Variants in NR5A2 observed in about 807,000 individuals in gnomAD.
NR5A2 encodes the protein CYP7A promoter-binding factor.
NR5A2 carries 26 observed loss-of-function variants against 62.7 expected under a neutral mutation model. The ratio of observed to expected loss-of-function variants is 0.41; its 90% CI spans 0.30 to 0.58. NR5A2 has a LOEUF of 0.58. NR5A2 is among the 20% of genes least tolerant of loss of function. The pLI, the probability that NR5A2 is intolerant of heterozygous loss-of-function variation, is 0.22. For missense variants in NR5A2, 541 were observed against 669.1 expected (o/e 0.81, Z 2.11); for synonymous variants, 246 against 241.7 (o/e 1.02, Z -0.16).
chr1:200,065,541 AG>A (rs1219468227), intron 5 of NR5A2, among the ~76,000 whole-genome samples: 2 of 152,240 alleles, frequency 1.3e-5, no homozygotes, highest in African/African-American at 2.4e-5. Flanking sequence ...GCACACATCG[AG>A]GGGGCAGTCT....
chr1:200,077,078 G>A (rs894538086), intron 5 of NR5A2, among the ~76,000 whole-genome samples: 66 of 152,240 alleles, frequency 4.3e-4, no homozygotes, highest in African/African-American at 1.4e-3. Context: ...CTTTAGTGCC[G>A]TTTTTATAAA....
At chr1:200,149,858 A>C (rs1349699075) in intron 7 of NR5A2, among the ~76,000 whole-genome samples, 1 of 152,158 alleles carries the variant, frequency 6.6e-6, no homozygotes, top group South Asian at 2.1e-4. Context: ...ATGAACTACT[A>C]TTCATCATTT....
intron 2 of NR5A2, chr1:200,042,946 T>C (rs904580810): frequency 2.0e-6 from 2 of 984,658 alleles, no homozygotes; most frequent in Admixed American, 6.1e-5. Context: ...TCTGTTTAAC[T>C]TTAATAGGGC....
chr1:200,076,745 G>A (rs1664058488), intron 5 of NR5A2, among the ~76,000 whole-genome samples: 1 of 152,090 alleles, frequency 6.6e-6, no homozygotes, highest in Admixed American at 6.5e-5. Flanking sequence ...TAGCATTTTT[G>A]TTAATAATTT....
At chr1:200,045,647 C>A in intron 4 of NR5A2, 63 bp downstream of exon 4, 1 of 1,353,012 alleles carries the variant, frequency 7.4e-7, no homozygotes, top group Non-Finnish European at 1.0e-6. Flanking sequence ...TGTAAAACAA[C>A]ATTGTACTTA....
At chr1:200,138,184 G>A (rs992258626) in intron 7 of NR5A2, among the ~76,000 whole-genome samples, 1 of 152,100 alleles carries the variant, frequency 6.6e-6, no homozygotes, top group African/African-American at 2.4e-5. Flanking sequence ...TTTTCTCCAT[G>A]TCTTCCTGTA....
At chr1:200,168,934 C>T (rs1469787435) in intron 7 of NR5A2, among the ~76,000 whole-genome samples, 1 of 152,132 alleles carries the variant, frequency 6.6e-6, no homozygotes, top group Non-Finnish European at 1.5e-5. Context: ...GAGGGCAAAT[C>T]GTGTGACAGT....
In NR5A2 at chr1:200,111,160, T is replaced by C. The variant is rs370855493; in HGVS notation, c.1111-42T>C. On this transcript the variant is annotated intron_variant, in intron 5 of 7. Coordinates refer to ENST00000367362, the MANE Select transcript of NR5A2 (RefSeq NM_205860.3). ...AAAAAAGTAGTGAATAACAGTGTCA[T>C]TTTTTGTTTTTTTTGTTTGTTTGTT... The C allele has an allele frequency of 6.3e-6, 10 of 1,598,096 alleles. No homozygotes were observed. In the African/African-American group the frequency reaches 1.1e-4, roughly 17 times the overall value.
At chr1:200,118,520 G>A (rs370468482) in intron 6 of NR5A2, among the ~76,000 whole-genome samples, 13 of 152,120 alleles carry the variant, frequency 8.5e-5, no homozygotes, top group Non-Finnish European at 1.8e-4. Flanking sequence ...AGATTTATAC[G>A]TACTTGTCCA....
intron 7 of NR5A2, among the ~76,000 whole-genome samples, chr1:200,151,190 A>G (rs764654892): frequency 6.6e-6 from 1 of 152,192 alleles, no homozygotes; most frequent in Non-Finnish European, 1.5e-5. Context: ...AGAAGATGAA[A>G]CATTGTCTTG....
At chr1:200,044,014 AAG>A (rs926939294) in intron 3 of NR5A2, 122 bp downstream of exon 3, 3 of 639,436 alleles carry the variant, frequency 4.7e-6, no homozygotes, top group South Asian at 4.0e-5. Context: ...ATGAGGGAGA[AAG>A]AGAGAGTCTT....
At chr1:200,086,929 C>G (rs1455341953) in intron 5 of NR5A2, among the ~76,000 whole-genome samples, 1 of 152,118 alleles carries the variant, frequency 6.6e-6, no homozygotes, top group Non-Finnish European at 1.5e-5. Context: ...ATCCCAGCTA[C>G]TCAGGAGGCT....
At position 200,111,336 on chromosome 1, in the gene NR5A2, CAAAAAAA is replaced by C; in HGVS notation, c.1230+24_1230+30del. ...CTGGGCAACAAGTGAGTGTAGAGAC[CAAAAAAA>C]AAAAAAAAGCATCTTTTTATTAAGC... On this transcript the variant is annotated intron_variant, in intron 6 of 7. Transcript: ENST00000367362. The C allele has an allele frequency of 7.1e-7, 1 of 1,406,406 alleles. No individual in the cohort carries two copies. The highest frequency in any genetic ancestry group is 1.6e-5 in the African/African-American group (1 of 60,922). 87.1% of individuals were successfully genotyped at this position (1,406,406 alleles called of 1,614,324 possible). A position where few individuals can be genotyped will look rare whatever the true frequency, so the allele number is the denominator to read the frequency against.
intron 7 of NR5A2, among the ~76,000 whole-genome samples, chr1:200,158,005 C>T (rs928473361): frequency 6.6e-6 from 1 of 152,142 alleles, no homozygotes; most frequent in Non-Finnish European, 1.5e-5. Flanking sequence ...TAACAGTTCT[C>T]ATATGGGCAT....
chr1:200,141,031 TAAACAAAC>T (rs140408927), intron 7 of NR5A2, among the ~76,000 whole-genome samples: 2 of 151,260 alleles, frequency 1.3e-5, no homozygotes, highest in Admixed American at 6.6e-5. Flanking sequence ...ACTCCATCTC[TAAACAAAC>T]AAACAAACAA....
intron 5 of NR5A2, among the ~76,000 whole-genome samples, chr1:200,075,358 A>C (rs892993936): frequency 5.3e-5 from 8 of 152,256 alleles, no homozygotes; most frequent in Non-Finnish European, 1.0e-4. Context: ...AATTTGAAGC[A>C]TGCCAGTAGT....
intron 7 of NR5A2, among the ~76,000 whole-genome samples, chr1:200,150,198 C>A (rs979093473): frequency 6.6e-6 from 1 of 152,206 alleles, no homozygotes; most frequent in African/African-American, 2.4e-5. Context: ...AAAAGGAAAC[C>A]AAAATCAAAT....
chr1:200,045,696 C>T lies in NR5A2; in HGVS notation c.463+112C>T, dbSNP rs886869075. The stretch of plus-strand genomic sequence containing the variant: ...TTATTTTCCCAGCATTTTAACACTA[C>T]CGACAATACTGTAAGATCTTTCTAT... On this transcript the variant is annotated intron_variant, in intron 4 of 7. Coordinates refer to ENST00000367362, the MANE Select transcript of NR5A2 (RefSeq NM_205860.3). 7 of 766,906 alleles carry T rather than the reference C, an allele frequency of 9.1e-6. No individual in the cohort carries two copies. In the Admixed American group the frequency reaches 2.1e-4, roughly 23 times the overall value. The allele number at this position is 766,906 out of a possible 1,614,324, so 47.5% of individuals were successfully genotyped here. A position where few individuals can be genotyped will look rare whatever the true frequency, so the allele number is the denominator to read the frequency against.
chr1:200,064,999 G>T (rs551250877), intron 5 of NR5A2, among the ~76,000 whole-genome samples: 234 of 152,144 alleles, frequency 1.5e-3, no homozygotes, highest in African/African-American at 5.5e-3. Flanking sequence ...TGCCCAGGCT[G>T]GTCTCAAACT....
Sources: gnomAD v4.1 joint callset for allele counts (sites outside exome capture counted in the v4.1 genomes callset) on GRCh38, gnomAD v4.1.1 for gene constraint, MANE v1.5 for transcripts, NCBI Gene and HGNC (gene_info 2026-07-23, HGNC 2026-07-21) for gene names.